Variants in CDC27 observed in about 807,000 individuals in gnomAD.
The protein encoded by CDC27 is cell division cycle protein 27 homolog.
In CDC27, 27 loss-of-function variants were observed where a neutral mutation model predicts 109.7. The ratio of observed to expected loss-of-function variants is 0.25; its 90% CI spans 0.18 to 0.34. CDC27 has a LOEUF of 0.34. CDC27 is among the 10% of genes least tolerant of loss of function. The pLI, the probability that CDC27 is intolerant of heterozygous loss-of-function variation, is 1.00. For synonymous variants in CDC27, 266 were observed against 333.9 expected (o/e 0.80, Z 2.22); for missense variants, 579 against 960.2 (o/e 0.60, Z 5.25).
At chr17:47,180,033 CAGG>C (rs1354146460) in intron 2 of CDC27, among the ~76,000 whole-genome samples, 1 of 152,182 alleles carries the variant, frequency 6.6e-6, no homozygotes, top group East Asian at 1.9e-4. Context: ...GAGGCTGAGG[CAGG>C]AGGATCACTT....
At chr17:47,156,850 A>G (rs1431465134) in intron 7 of CDC27, 63 bp downstream of exon 7, 6 of 573,670 alleles carry the variant, frequency 1.0e-5, no homozygotes, top group Non-Finnish European at 1.9e-5. Flanking sequence ...ATTACTAACA[A>G]TATGAGTTAT....
chr17:47,135,597 C>T (rs180834032), intron 14 of CDC27, among the ~76,000 whole-genome samples: 2 of 152,040 alleles, frequency 1.3e-5, no homozygotes, highest in African/African-American at 2.4e-5. Flanking sequence ...AAAAGAAAGG[C>T]TATCTATTTT....
chr17:47,174,138 T>C (rs1859185970), intron 2 of CDC27, among the ~76,000 whole-genome samples: 1 of 152,094 alleles, frequency 6.6e-6, no homozygotes, highest in African/African-American at 2.4e-5. Flanking sequence ...AGGAAGCAAA[T>C]CCAGAGCAAT....
chr17:47,168,503 G>A (rs907445028), intron 4 of CDC27, among the ~76,000 whole-genome samples: 1 of 152,068 alleles, frequency 6.6e-6, no homozygotes, highest in Admixed American at 6.6e-5. Flanking sequence ...GGGACTGTGA[G>A]TTATTTATCT....
At chr17:47,124,256 C>CATCTATCTATCT (rs71365043) in intron 16 of CDC27, among the ~76,000 whole-genome samples, 49,961 of 147,930 alleles carry the variant, frequency 0.34, 8,900 homozygotes, top group Admixed American at 0.44. Flanking sequence ...TGCTTTTGGT[C>CATCTATCTATCT]ATCTATCTAT....
rs938086033 is a variant in CDC27 at position 47,117,938 on chromosome 17, A to C, written c.*2997T>G. On this transcript the variant is annotated 3_prime_UTR_variant, in exon 19 of 19. Transcript: ENST00000066544. ...TTGATTATAAATTGCTTTCAAAAGT[A>C]ACTTATTTGGATTTTCCATATCCTT... is the stretch of plus-strand genomic sequence containing the variant. 1 of 152,226 alleles carries C rather than the reference A, an allele frequency of 6.6e-6. No homozygotes were observed. Among genetic ancestry groups the C allele is most frequent in the African/African-American group, 2.4e-5 (1 of 41,460 alleles). 9.4% of individuals were successfully genotyped at this position (152,226 alleles called of 1,614,324 possible).
intron 2 of CDC27, 112 bp downstream of exon 2, chr17:47,181,450 C>G (rs1397751540): frequency 5.2e-6 from 3 of 572,102 alleles, no homozygotes; most frequent in Non-Finnish European, 9.4e-6. Flanking sequence ...TAGTGTCAAT[C>G]AGAAAAACAA....
At chr17:47,124,021 T>C in intron 16 of CDC27, 61 bp from the exon 17 acceptor site, 1 of 1,082,768 alleles carries the variant, frequency 9.2e-7, no homozygotes, top group Non-Finnish European at 1.3e-6. Flanking sequence ...GACCAAGCGT[T>C]TTTACTTATT....
At chr17:47,168,124 C>T (rs530083170) in intron 4 of CDC27, among the ~76,000 whole-genome samples, 16 of 152,252 alleles carry the variant, frequency 1.1e-4, no homozygotes, top group African/African-American at 2.4e-4. Flanking sequence ...TGAGTTTTTA[C>T]GGAGGCTTCA....
intron 9 of CDC27, among the ~76,000 whole-genome samples, chr17:47,146,802 C>T (rs961321284): frequency 6.6e-6 from 1 of 152,166 alleles, no homozygotes; most frequent in Non-Finnish European, 1.5e-5. Flanking sequence ...CAGTGGCTCA[C>T]ACCTGTAATC....
intron 15 of CDC27, among the ~76,000 whole-genome samples, chr17:47,131,210 C>T (rs2062320086): frequency 6.6e-6 from 1 of 152,086 alleles, no homozygotes; most frequent in South Asian, 2.1e-4. Flanking sequence ...CAAAAGGTGT[C>T]AAGAGATTTA....
intron 16 of CDC27, among the ~76,000 whole-genome samples, chr17:47,125,728 G>A (rs543481741): frequency 8.0e-4 from 121 of 151,498 alleles, no homozygotes; most frequent in Non-Finnish European, 9.0e-4. Context: ...ATTTTTAGTA[G>A]AGATGGGGTT....
At position 47,151,730 on chromosome 17, in the gene CDC27, T is replaced by C. The variant is rs11570506; in HGVS notation, c.1070+76A>G. On this transcript the variant is annotated intron_variant, in intron 9 of 18. Transcript: ENST00000066544. The stretch of plus-strand genomic sequence containing the variant: ...TTATTCTAGAATCCACGAGAGTCAC[T>C]ATCTGCCTAAATTAAAGAAATGTAA... The C allele has an allele frequency of 0.072, 84,314 of 1,163,300 alleles. 3,414 individuals are homozygous for C. The highest frequency in any genetic ancestry group is 0.12 in the African/African-American group (7,386 of 63,632). 72.1% of individuals were successfully genotyped at this position (1,163,300 alleles called of 1,614,324 possible).
At chr17:47,138,146 A>ATT (rs1177439448) in intron 13 of CDC27, among the ~76,000 whole-genome samples, 1 of 152,070 alleles carries the variant, frequency 6.6e-6, no homozygotes, top group Non-Finnish European at 1.5e-5. Context: ...AGGATGAGTT[A>ATT]TTTTTAGGAT....
At position 47,181,622 on chromosome 17, in the gene CDC27, C is replaced by T. The variant is rs772259400; in HGVS notation, c.43G>A (p.Ala15Thr). The T allele has an allele frequency of 1.2e-6, 2 of 1,604,104 alleles. No individual in the cohort carries two copies. The highest frequency in any genetic ancestry group is 1.7e-6 in the Non-Finnish European group (2 of 1,172,454). Reference sequence around the variant, plus strand: ...TCTCGGTAAGCATAGTGGTTTAGTGCTTGCCATATAGCAGCCTGCAAATGG... The same window carrying T: ...TCTCGGTAAGCATAGTGGTTTAGTGTTTGCCATATAGCAGCCTGCAAATGG... ...QEPVQAAIWQ[A>T]LNHYAYRDAV... Residue 15 changes from alanine to threonine, a missense_variant, in exon 2 of 19, where the codon GCA becomes ACA. This residue lies in a region of CDC27 where 44 missense variants were observed against 102.2 expected (regional missense o/e 0.43). Transcript: ENST00000066544.
intron 2 of CDC27, among the ~76,000 whole-genome samples, chr17:47,173,085 C>T (rs1004767806): frequency 3.9e-5 from 6 of 152,212 alleles, no homozygotes; most frequent in African/African-American, 1.4e-4. Flanking sequence ...GATTCTGTGG[C>T]ATTCTCAAGT....
At position 47,181,566 on chromosome 17, in the gene CDC27, T is replaced by G; in HGVS notation, c.99A>C (p.Ala33=). Residue 33 remains alanine, a synonymous_variant, in exon 2 of 19, where the codon GCA becomes GCC. Coordinates refer to ENST00000066544, the MANE Select transcript of CDC27 (RefSeq NM_001256.6). ...AGCAATGAATAGATTTCAAACCTTC[T>G]GCATAAAGGCGTTCTGCGAGGAAAA... is the stretch of plus-strand genomic sequence containing the variant. ...DAVFLAERLY[A]EVHSEEALFL... is the part of the protein sequence containing the mutation. The G allele has an allele frequency of 2.5e-6, 4 of 1,584,022 alleles. No individual in the cohort carries two copies. The highest frequency in any genetic ancestry group is 2.6e-6 in the Non-Finnish European group (3 of 1,154,116).
chr17:47,129,210 C>T (rs982501886), intron 16 of CDC27, among the ~76,000 whole-genome samples, 183 bp downstream of exon 16: 4 of 152,256 alleles, frequency 2.6e-5, no homozygotes, highest in South Asian at 2.1e-4. Context: ...TCCTAAATAT[C>T]CACACACCTA....
intron 9 of CDC27, among the ~76,000 whole-genome samples, chr17:47,149,507 CT>C (rs1422270159): frequency 5.6e-5 from 2 of 35,700 alleles, no homozygotes; most frequent in Non-Finnish European, 1.0e-4. Flanking sequence ...GAGACTCTGT[CT>C]TAAAAAAAAA....
Sources: gnomAD v4.1 joint callset for allele counts (sites outside exome capture counted in the v4.1 genomes callset) on GRCh38, gnomAD v4.1.1 for gene constraint, gnomAD v4.1.1 regional missense constraint, MANE v1.5 for transcripts, NCBI Gene and HGNC (gene_info 2026-07-23, HGNC 2026-07-21) for gene names.